The following PIK3IP1 variants were observed in gnomAD, a reference collection of about 807,000 sequenced individuals.
PIK3IP1 encodes the protein phosphoinositide-3-kinase interacting protein 1.
In PIK3IP1, 28 loss-of-function variants were observed where a neutral mutation model predicts 30.7. That is an observed-to-expected ratio of 0.91 (90% CI 0.68 to 1.25). The LOEUF is 1.25. Ranked by LOEUF, PIK3IP1 falls within the 50% of genes most tolerant of loss-of-function variation. The pLI is 0.00. For synonymous variants in PIK3IP1, 159 were observed against 140.8 expected (o/e 1.13, Z -0.91); for missense variants, 333 against 346.2 (o/e 0.96, Z 0.30).
intron 1 of PIK3IP1, 24 bp from the exon 2 acceptor site, chr22:31,291,320 AC>A: frequency 6.5e-7 from 1 of 1,547,232 alleles, no homozygotes. Context: ...AAGCCCCCGG[AC>A]ACAGAATAGC....
Position 31,286,001 on chromosome 22 carries a change from C to T in PIK3IP1, c.588-2713G>A, listed in dbSNP as rs998494360. On this transcript the variant is annotated intron_variant, in intron 5 of 5. Transcript: ENST00000215912. ...CAGCCTGGCCAACATGGTGAAACCCCGTCTCTACTAAAAATACAAAAATTA... is the reference window on the plus strand; with the variant it reads ...CAGCCTGGCCAACATGGTGAAACCCTGTCTCTACTAAAAATACAAAAATTA... Among the ~76,000 whole-genome samples, 9 of 152,058 alleles carry T rather than the reference C, an allele frequency of 5.9e-5. No individual in the cohort carries two copies. In the East Asian group the frequency reaches 7.7e-4, roughly 13 times the overall value.
chr22:31,289,756 G>A, intron 3 of PIK3IP1, 57 bp from the exon 4 acceptor site: 1 of 1,528,906 alleles, frequency 6.5e-7, no homozygotes, highest in Non-Finnish European at 8.9e-7. Context: ...GAATTCCACA[G>A]CTGAACCTGG....
chr22:31,291,186 C>CG lies in PIK3IP1; in HGVS notation c.180dup (p.Val61ArgfsTer32). 1 of 1,546,642 alleles carries CG rather than the reference C, an allele frequency of 6.5e-7. No individual in the cohort carries two copies. ...TCCCCCGGAGGACACTTACCCGACA[C>CG]GGGGGCCGAGGCCAGCCCGCTCTGC... On this transcript the variant is annotated frameshift_variant, in exon 2 of 6. Coordinates refer to ENST00000215912, the MANE Select transcript of PIK3IP1 (RefSeq NM_052880.5). LOFTEE classifies it high-confidence loss of function.
Position 31,283,027 on chromosome 22 carries a change from A to T in PIK3IP1, c.*57T>A. ...CAAAGTGGTAGTTCCTCCTAGCTGT[A>T]GGAGGGTGGGCTGTCCTGCACCAGT... On this transcript the variant is annotated 3_prime_UTR_variant, in exon 6 of 6. Coordinates refer to ENST00000215912, the MANE Select transcript of PIK3IP1 (RefSeq NM_052880.5). The T allele has an allele frequency of 7.3e-7, 1 of 1,369,640 alleles. No individual in the cohort carries two copies. The highest frequency in any genetic ancestry group is 1.0e-6 in the Non-Finnish European group (1 of 992,086). 84.8% of individuals were successfully genotyped at this position (1,369,640 alleles called of 1,614,324 possible).
intron 5 of PIK3IP1, among the ~76,000 whole-genome samples, chr22:31,285,348 A>C (rs1273416677): frequency 6.6e-6 from 1 of 152,222 alleles, no homozygotes; most frequent in Admixed American, 6.5e-5. Flanking sequence ...TTGTATGCCT[A>C]AACTATACTG....
At chr22:31,288,762 C>G (rs1405322737) in intron 5 of PIK3IP1, among the ~76,000 whole-genome samples, 1 of 152,234 alleles carries the variant, frequency 6.6e-6, no homozygotes, top group African/African-American at 2.4e-5. Context: ...GAGTGGCAAA[C>G]AGACTTTCTG....
At chr22:31,286,831 G>A (rs1224791851) in intron 5 of PIK3IP1, among the ~76,000 whole-genome samples, 1 of 152,064 alleles carries the variant, frequency 6.6e-6, no homozygotes, top group African/African-American at 2.4e-5. Context: ...GTAAGGCCAG[G>A]GCCACTATGT....
At chr22:31,290,520 T>G (rs1308597205) in intron 3 of PIK3IP1, 1 of 160,192 alleles carries the variant, frequency 6.2e-6, no homozygotes, top group Non-Finnish European at 1.4e-5. Flanking sequence ...ATCTGTCCCC[T>G]GCCATTGCCT....
At chr22:31,284,559 GCCTGCTACACTGAC>G (rs1165317253) in intron 5 of PIK3IP1, among the ~76,000 whole-genome samples, 10 of 152,152 alleles carry the variant, frequency 6.6e-5, no homozygotes, top group African/African-American at 2.4e-4. Flanking sequence ...AGGCCACTAG[GCCTGCTACACTGAC>G]CATCAGGCAG....
rs1157295673 is a variant in PIK3IP1, at chr22:31,289,712, T to TGGGAAAC, written c.308-20_308-14dup. ...TGGGAGGTGGTCTCTGGAGATGAGG[T>TGGGAAAC]GGGAAACAGCTCTCATCAGGGACTG... is the stretch of plus-strand genomic sequence containing the variant. On this transcript the variant is annotated splice_polypyrimidine_tract_variant and intron_variant, in intron 3 of 5. Coordinates refer to ENST00000215912, the MANE Select transcript of PIK3IP1 (RefSeq NM_052880.5). 1 of 1,551,670 alleles carries TGGGAAAC rather than the reference T, an allele frequency of 6.4e-7. No homozygotes were observed.
chr22:31,283,452 A>C (rs955942986), intron 5 of PIK3IP1, among the ~76,000 whole-genome samples, 164 bp from the exon 6 acceptor site: 2 of 152,184 alleles, frequency 1.3e-5, no homozygotes, highest in African/African-American at 4.8e-5. Context: ...TAGGATATCC[A>C]TTCTGCAAGA....
chr22:31,290,899 C>A, intron 3 of PIK3IP1, 66 bp downstream of exon 3: 1 of 1,487,122 alleles, frequency 6.7e-7, no homozygotes. Context: ...GCACGTGCGC[C>A]ACGAGTGTCT....
rs1032417370 is a variant in PIK3IP1, at chr22:31,282,221, A to AGT, written c.*862_*863insAC. 6.6e-6 allele frequency: 1 copy of AGT among 152,216 alleles called. No homozygotes were observed. Among genetic ancestry groups the AGT allele is most frequent in the African/African-American group, 2.4e-5 (1 of 41,442 alleles). The allele number at this position is 152,216 out of a possible 1,614,324, so 9.4% of individuals were successfully genotyped here. ...TACCTTGCCTCTGAGCTTAGTTTCCAGGTTAGCCTCTTAGAAGCAGCTCAC... is the reference window on the plus strand; with the variant it reads ...TACCTTGCCTCTGAGCTTAGTTTCCAGTGGTTAGCCTCTTAGAAGCAGCTCAC... On this transcript the variant is annotated 3_prime_UTR_variant, in exon 6 of 6. Transcript: ENST00000215912.
In PIK3IP1 at chr22:31,282,752, G is replaced by A. The variant is rs961499118; in HGVS notation, c.*332C>T. On this transcript the variant is annotated 3_prime_UTR_variant, in exon 6 of 6. Transcript: ENST00000215912. ...TCTTAGTAAAGCACAGAGGAGCCTG[G>A]GGGAGCTCCCCGTCTATCCCTGGTT... 2 of 296,626 alleles carry A rather than the reference G, an allele frequency of 6.7e-6. No homozygotes were observed. The highest frequency in any genetic ancestry group is 6.5e-6 in the Non-Finnish European group (1 of 154,640). 18.4% of individuals were successfully genotyped at this position (296,626 alleles called of 1,614,324 possible). A position where few individuals can be genotyped will look rare whatever the true frequency, so the allele number is the denominator to read the frequency against.
At position 31,291,270 on chromosome 22, in the gene PIK3IP1, A is replaced by T; in HGVS notation, c.97T>A (p.Tyr33Asn). The change falls in exon 2 of 6, where the codon TAC (tyrosine) becomes AAC (asparagine). Residue 33 changes from tyrosine (Y) to asparagine (N), a missense_variant. Coordinates refer to ENST00000215912, the MANE Select transcript of PIK3IP1 (RefSeq NM_052880.5). ...GGCFWDNGHL[Y>N]REDQTSPAPG... is the part of the protein sequence containing the mutation. ...GCGGGGGAGGTCTGGTCCTCCCGGT[A>T]CAGGTGGCCGTTGTCCCAGAAACAG... 1.9e-6 allele frequency: 3 copies of T among 1,555,714 alleles called. No individual in the cohort carries two copies. Among genetic ancestry groups the T allele is most frequent in the Non-Finnish European group, 2.6e-6 (3 of 1,150,434 alleles).
intron 1 of PIK3IP1, 105 bp from the exon 2 acceptor site, chr22:31,291,401 T>G: frequency 8.9e-7 from 1 of 1,119,620 alleles, no homozygotes; most frequent in South Asian, 1.3e-5. Flanking sequence ...AACCTCAGCC[T>G]GGTTAGGGGA....
chr22:31,287,941 C>A (rs551610866), intron 5 of PIK3IP1, among the ~76,000 whole-genome samples: 1 of 152,098 alleles, frequency 6.6e-6, no homozygotes, highest in African/African-American at 2.4e-5. Flanking sequence ...GTCTGGCATA[C>A]GGTACATGTT....
chr22:31,287,014 C>CTTTTT (rs11427273), intron 5 of PIK3IP1, among the ~76,000 whole-genome samples: 20 of 98,646 alleles, frequency 2.0e-4, no homozygotes, highest in South Asian at 3.6e-4. Flanking sequence ...CCATTACCCA[C>CTTTTT]TTTTTTTTTT....
chr22:31,290,740 C>T (rs1450297539), intron 3 of PIK3IP1: 2 of 586,230 alleles, frequency 3.4e-6, no homozygotes, highest in South Asian at 5.7e-5. Flanking sequence ...CCAGCCTCGC[C>T]CCGCGCAGTT....
Sources: allele counts gnomAD v4.1 joint callset (sites outside exome capture counted in the v4.1 genomes callset), GRCh38; gene constraint gnomAD v4.1.1; transcripts MANE v1.5; gene names NCBI Gene and HGNC (gene_info 2026-07-23, HGNC 2026-07-21).